The following KAZN variants were observed in gnomAD, a reference collection of about 807,000 sequenced individuals.
KAZN encodes the protein kazrin, periplakin interacting protein.
A neutral mutation model predicts 87.4 loss-of-function variants in KAZN; 40 were observed. The observed-to-expected ratio is 0.46, with a 90% CI of 0.36 to 0.60. The LOEUF is 0.60. Ranked by LOEUF, KAZN falls within the 20% of genes least tolerant of loss-of-function variation. The pLI is 0.00. For missense variants in KAZN, 898 were observed against 1,073.9 expected (o/e 0.84, Z 2.29); for synonymous variants, 466 against 458.3 (o/e 1.02, Z -0.22).
intron 2 of KAZN, among the ~76,000 whole-genome samples, chr1:14,473,963 T>C (rs1011480054): frequency 1.3e-5 from 2 of 152,234 alleles, no homozygotes; most frequent in South Asian, 2.1e-4. Flanking sequence ...TTGCCCTGTT[T>C]CCATCATTCC....
intron 2 of KAZN, among the ~76,000 whole-genome samples, chr1:14,322,824 C>G (rs1366663952): frequency 6.6e-6 from 1 of 152,096 alleles, no homozygotes; most frequent in Admixed American, 6.5e-5. Flanking sequence ...AGCAAAATCC[C>G]ACATGTATTA....
At chr1:14,217,885 T>C (rs914603421) in intron 2 of KAZN, among the ~76,000 whole-genome samples, 1 of 152,132 alleles carries the variant, frequency 6.6e-6, no homozygotes, top group Non-Finnish European at 1.5e-5. Context: ...AATAGAATAA[T>C]ATATTTAAGA....
chr1:14,426,545 C>A (rs1190417463), intron 2 of KAZN, among the ~76,000 whole-genome samples: 1 of 151,874 alleles, frequency 6.6e-6, no homozygotes, highest in African/African-American at 2.4e-5. Flanking sequence ...CCAGCTGGCC[C>A]AACTGCAGTT....
At chr1:14,072,935 C>T (rs576733540) in intron 1 of KAZN, among the ~76,000 whole-genome samples, 7 of 152,184 alleles carry the variant, frequency 4.6e-5, no homozygotes, top group East Asian at 1.9e-4. Flanking sequence ...TGTAGATTCT[C>T]GAGGCCATTT....
chr1:14,339,930 C>A (rs759948572), intron 2 of KAZN, among the ~76,000 whole-genome samples: 2 of 152,198 alleles, frequency 1.3e-5, no homozygotes, highest in African/African-American at 2.4e-5. Context: ...CAAAACACCA[C>A]CCAATTTGCT....
At chr1:14,565,034 GC>G in intron 2 of KAZN, among the ~76,000 whole-genome samples, 1 of 152,040 alleles carries the variant, frequency 6.6e-6, no homozygotes, top group South Asian at 2.1e-4. Flanking sequence ...TTATTATGAA[GC>G]TTTGCATACA....
intron 2 of KAZN, among the ~76,000 whole-genome samples, chr1:15,001,495 G>A (rs935149549): frequency 1.3e-5 from 2 of 151,230 alleles, no homozygotes; most frequent in African/African-American, 4.9e-5. Context: ...TTGCAATGTT[G>A]CTGGTGCCTC....
intron 8 of KAZN, among the ~76,000 whole-genome samples, chr1:15,088,347 C>T (rs1289199551): frequency 2.0e-5 from 3 of 152,150 alleles, no homozygotes; most frequent in South Asian, 4.1e-4. Flanking sequence ...CGTCAATGGT[C>T]ACACTCAGTA....
intron 1 of KAZN, among the ~76,000 whole-genome samples, chr1:14,060,806 C>T (rs727666): frequency 0.053 from 8,083 of 152,220 alleles, 591 homozygotes; most frequent in African/African-American, 0.16. Flanking sequence ...GAATAATTAT[C>T]CTGGAATAGC....
intron 1 of KAZN, among the ~76,000 whole-genome samples, chr1:14,774,323 T>C (rs569903097): frequency 1.3e-5 from 2 of 152,246 alleles, no homozygotes; most frequent in East Asian, 3.9e-4. Context: ...ACAGGCTCAT[T>C]AGGGGGATTC....
intron 1 of KAZN, among the ~76,000 whole-genome samples, chr1:14,904,848 G>A (rs895873708): frequency 5.9e-5 from 9 of 152,094 alleles, no homozygotes; most frequent in Admixed American, 2.6e-4. Context: ...TGCAAGCTCC[G>A]CCACTCGGGT....
intron 1 of KAZN, among the ~76,000 whole-genome samples, chr1:14,097,450 T>C (rs1297106161): frequency 6.6e-6 from 1 of 152,204 alleles, no homozygotes; most frequent in Admixed American, 6.5e-5. Context: ...GTAGCCACAC[T>C]GGACCATAGA....
intron 1 of KAZN, among the ~76,000 whole-genome samples, chr1:14,914,562 G>A (rs1657596884): frequency 6.6e-6 from 1 of 152,186 alleles, no homozygotes; most frequent in South Asian, 2.1e-4. Context: ...AAAGGGACAG[G>A]CCTGGCCGGC....
intron 1 of KAZN, among the ~76,000 whole-genome samples, chr1:13,929,097 C>T (rs72871379): frequency 7.3e-6 from 1 of 136,306 alleles, no homozygotes; most frequent in South Asian, 2.4e-4. Context: ...CTCTGTCACC[C>T]AAGCTGGATT....
chr1:14,883,426 A>AG (rs1653701467), intron 1 of KAZN, among the ~76,000 whole-genome samples: 2 of 149,562 alleles, frequency 1.3e-5, no homozygotes, highest in African/African-American at 5.0e-5. Context: ...AAAGAAAGAA[A>AG]AGCGGTTCTT....
chr1:14,388,549 C>A (rs1662149408), intron 2 of KAZN, among the ~76,000 whole-genome samples: 2 of 151,350 alleles, frequency 1.3e-5, no homozygotes, highest in Non-Finnish European at 3.0e-5. Context: ...TAAATAGATA[C>A]ATCTATGATG....
chr1:14,700,470 T>TA (rs35974230), intron 1 of KAZN, among the ~76,000 whole-genome samples: 21,535 of 144,320 alleles, frequency 0.15, 1,929 homozygotes, highest in East Asian at 0.24. Flanking sequence ...GACTCTGTCT[T>TA]AAAAAAAAAA....
chr1:14,151,928 G>A (rs1645483079), intron 1 of KAZN, among the ~76,000 whole-genome samples: 1 of 152,176 alleles, frequency 6.6e-6, no homozygotes, highest in African/African-American at 2.4e-5. Context: ...ATGGAAGGAT[G>A]ATAAAATAAC....
chr1:14,276,160 GGTGTGTGTGTGTGT>G (rs5772575), intron 2 of KAZN, among the ~76,000 whole-genome samples: 231 of 135,622 alleles, frequency 1.7e-3, no homozygotes, highest in East Asian at 7.4e-3. Context: ...TCGCTATAAG[GGTGTGTGTGTGTGT>G]GTGTGTGTGT....
Sources: gnomAD v4.1 joint callset for allele counts (sites outside exome capture counted in the v4.1 genomes callset) on GRCh38, gnomAD v4.1.1 for gene constraint, MANE v1.5 for transcripts, NCBI Gene and HGNC (gene_info 2026-07-23, HGNC 2026-07-21) for gene names.